GPC4: variants seen among roughly 807,000 people sequenced by gnomAD.
The protein encoded by GPC4 is glypican-4.
Under a neutral mutation model 35.0 loss-of-function variants are expected in GPC4, and 10 were observed. The observed-to-expected ratio is 0.29, with a 90% CI of 0.18 to 0.48. The LOEUF is 0.48. Ranked by LOEUF, GPC4 falls within the 20% of genes least tolerant of loss-of-function variation. The pLI, the probability that GPC4 is intolerant of heterozygous loss-of-function variation, is 0.99. For synonymous variants in GPC4, 167 were observed against 170.2 expected (o/e 0.98, Z 0.15); for missense variants, 322 against 451.3 (o/e 0.71, Z 2.60).
At chrX:133,308,627 G>C in intron 4 of GPC4, among the ~76,000 whole-genome samples, 1 of 111,662 alleles carries the variant, frequency 9.0e-6, no homozygotes, top group Non-Finnish European at 1.9e-5. Flanking sequence ...TGCAGATGCA[G>C]TTAAGAGAGG....
At chrX:133,334,254 T>C (rs903592382) in intron 2 of GPC4, among the ~76,000 whole-genome samples, 8 of 111,570 alleles carry the variant, frequency 7.2e-5, no homozygotes, top group African/African-American at 2.6e-4. Flanking sequence ...GTCTGAAGAG[T>C]GCTTCGTGCC....
chrX:133,311,400 G>A lies in GPC4; in HGVS notation c.735C>T (p.Thr245=), dbSNP rs373402688. The change falls in exon 4 of 9, where the codon ACC becomes ACT. Residue 245 remains threonine (T), a synonymous_variant. Transcript: ENST00000370828. ...VSVVNPTAQC[T]HALLKMIYCS... is the part of the protein sequence containing the mutation. Reference sequence around the variant, plus strand: ...AGTAGATCATCTTCAACAGGGCATGGGTACACTGGGCTGTGGGGTTTACCT... The same window carrying A: ...AGTAGATCATCTTCAACAGGGCATGAGTACACTGGGCTGTGGGGTTTACCT... The A allele has an allele frequency of 8.3e-6, 10 of 1,209,457 alleles. No individual in the cohort carries two copies. The African/African-American group carries it at 1.8e-4, about 21-fold the overall frequency.
intron 1 of GPC4, among the ~76,000 whole-genome samples, chrX:133,388,503 C>T (rs2068703073): frequency 9.0e-6 from 1 of 111,214 alleles, no homozygotes; most frequent in East Asian, 2.8e-4. Flanking sequence ...AAGGAGCTTA[C>T]ATCCCTGTAG....
At chrX:133,327,652 TG>T (rs2068400249) in intron 2 of GPC4, among the ~76,000 whole-genome samples, 1 of 105,337 alleles carries the variant, frequency 9.5e-6, no homozygotes, top group Non-Finnish European at 1.9e-5. Flanking sequence ...TGTGTGTGTG[TG>T]TGTGTGTGTG....
chrX:133,368,506 T>C (rs1185333137), intron 1 of GPC4, among the ~76,000 whole-genome samples: 1 of 111,843 alleles, frequency 8.9e-6, no homozygotes, highest in African/African-American at 3.3e-5. Flanking sequence ...TTTCTATGTG[T>C]TTTGTGTTCT....
chrX:133,333,325 C>T (rs761061804), intron 2 of GPC4, among the ~76,000 whole-genome samples: 7 of 112,720 alleles, frequency 6.2e-5, no homozygotes, highest in African/African-American at 1.3e-4. Context: ...TGATGTCATG[C>T]CTTCTGAAGA....
intron 1 of GPC4, among the ~76,000 whole-genome samples, chrX:133,344,012 C>T (rs991849342): frequency 9.2e-6 from 1 of 108,830 alleles, no homozygotes; most frequent in African/African-American, 3.3e-5. Flanking sequence ...CCAAAGGCTG[C>T]CTCTGATGTA....
intron 4 of GPC4, among the ~76,000 whole-genome samples, chrX:133,307,236 C>G (rs959725229): frequency 2.7e-5 from 3 of 111,704 alleles, no homozygotes; most frequent in East Asian, 2.8e-4. Context: ...AAGATTGTGT[C>G]CTACCCAAAG....
At chrX:133,380,155 G>A (rs1182136431) in intron 1 of GPC4, among the ~76,000 whole-genome samples, 2 of 110,330 alleles carry the variant, frequency 1.8e-5, no homozygotes, top group Non-Finnish European at 3.8e-5. Context: ...TGGCTAAGAC[G>A]GCAAAACCCC....
intron 1 of GPC4, among the ~76,000 whole-genome samples, chrX:133,381,727 G>A (rs2068661316): frequency 8.9e-6 from 1 of 112,352 alleles, no homozygotes; most frequent in Admixed American, 9.4e-5. Flanking sequence ...CTTTTTTAAT[G>A]TGTCAGTGGA....
intron 1 of GPC4, among the ~76,000 whole-genome samples, chrX:133,406,260 A>G (rs1385849995): frequency 8.9e-6 from 1 of 112,473 alleles, no homozygotes. Flanking sequence ...CCTGCAGCAA[A>G]GCAGCACTCA....
At chrX:133,369,402 T>C (rs1426190774) in intron 1 of GPC4, among the ~76,000 whole-genome samples, 2 of 112,123 alleles carry the variant, frequency 1.8e-5, no homozygotes, top group African/African-American at 6.5e-5. Context: ...TTAAATGATA[T>C]TGAACTTTTT....
At chrX:133,384,544 A>G (rs1192725696) in intron 1 of GPC4, among the ~76,000 whole-genome samples, 3 of 111,195 alleles carry the variant, frequency 2.7e-5, no homozygotes, top group Non-Finnish European at 5.6e-5. Context: ...GACTCTGAGC[A>G]TTGTCCTGGT....
chrX:133,382,684 G>A (rs1446758311), intron 1 of GPC4, among the ~76,000 whole-genome samples: 2 of 112,146 alleles, frequency 1.8e-5, no homozygotes, highest in African/African-American at 3.2e-5. Context: ...AGCTGAGATC[G>A]CGCCACTGCA....
intron 1 of GPC4, among the ~76,000 whole-genome samples, chrX:133,368,758 C>T (rs1222487828): frequency 9.1e-6 from 1 of 110,436 alleles, no homozygotes; most frequent in African/African-American, 3.3e-5. Context: ...CATTCTCCTG[C>T]CTCAGCCTCC....
intron 2 of GPC4, among the ~76,000 whole-genome samples, chrX:133,326,565 T>C (rs1391882045): frequency 8.9e-6 from 1 of 111,869 alleles, no homozygotes; most frequent in African/African-American, 3.3e-5. Flanking sequence ...GATTCTGATA[T>C]ACCCTAAAGT....
chrX:133,369,730 T>G (rs2068604514), intron 1 of GPC4, among the ~76,000 whole-genome samples: 1 of 111,611 alleles, frequency 9.0e-6, no homozygotes, highest in African/African-American at 3.3e-5. Context: ...CCTAAGGGAT[T>G]GTGAAAAGCA....
chrX:133,360,333 T>A (rs1296124757), intron 1 of GPC4, among the ~76,000 whole-genome samples: 1 of 111,535 alleles, frequency 9.0e-6, no homozygotes, highest in African/African-American at 3.3e-5. Flanking sequence ...GAAAATAGAT[T>A]AAGGTTCAGT....
intron 1 of GPC4, among the ~76,000 whole-genome samples, chrX:133,401,113 A>G (rs906316507): frequency 2.7e-5 from 3 of 111,206 alleles, no homozygotes; most frequent in African/African-American, 9.8e-5. Flanking sequence ...CAGAGAGACC[A>G]ACATGGCTAG....
Sources: allele counts gnomAD v4.1 joint callset (sites outside exome capture counted in the v4.1 genomes callset), GRCh38; gene constraint gnomAD v4.1.1; transcripts MANE v1.5; gene names NCBI Gene and HGNC (gene_info 2026-07-23, HGNC 2026-07-21).